GRM7: variants seen among roughly 807,000 people sequenced by gnomAD.
The protein encoded by GRM7 is metabotropic glutamate receptor 7.
GRM7 carries 35 observed loss-of-function variants against 84.5 expected under a neutral mutation model. That is an observed-to-expected ratio of 0.41 (90% CI 0.32 to 0.55). The LOEUF is 0.55. Ranked by LOEUF, GRM7 falls within the 20% of genes least tolerant of loss-of-function variation. The pLI is 0.19. For synonymous variants in GRM7, 487 were observed against 455.1 expected, an observed-to-expected ratio of 1.07 and a Z score of -0.89; for missense variants, 1,003 against 1,194.6, an observed-to-expected ratio of 0.84 and a Z score of 2.36.
chr3:7,545,936 A>G (rs902957283), intron 7 of GRM7, among the ~76,000 whole-genome samples: 2 of 152,198 alleles, frequency 1.3e-5, no homozygotes, highest in African/African-American at 4.8e-5. Flanking sequence ...CTGAGCCTCA[A>G]TTTCTTCCTA....
intron 5 of GRM7, among the ~76,000 whole-genome samples, chr3:7,418,421 G>A (rs189506073): frequency 7.6e-4 from 116 of 152,288 alleles, no homozygotes; most frequent in Admixed American, 1.4e-3. Flanking sequence ...CAGGATTAAT[G>A]CCATTCATGC....
chr3:7,268,150 T>C (rs1698715745), intron 2 of GRM7, among the ~76,000 whole-genome samples: 2 of 152,198 alleles, frequency 1.3e-5, no homozygotes, highest in Non-Finnish European at 2.9e-5. Context: ...CTAAAATGTT[T>C]ATTTAACTAA....
chr3:7,679,964 G>T, intron 8 of GRM7, 85 bp from the exon 9 acceptor site: 2 of 1,276,954 alleles, frequency 1.6e-6, no homozygotes, highest in South Asian at 2.7e-5. Context: ...CCTAGCCATA[G>T]TCGTTCTTGA....
chr3:7,126,912 G>A (rs1693420729), intron 1 of GRM7, among the ~76,000 whole-genome samples: 2 of 152,150 alleles, frequency 1.3e-5, no homozygotes, highest in African/African-American at 4.8e-5. Flanking sequence ...CTATGTCCCT[G>A]AGATATTGAG....
intron 5 of GRM7, among the ~76,000 whole-genome samples, chr3:7,426,493 C>A (rs905016989): frequency 2.7e-5 from 4 of 150,782 alleles, no homozygotes; most frequent in African/African-American, 9.7e-5. Flanking sequence ...TTTTTTTTTT[C>A]CCCCAATACA....
At chr3:7,734,490 T>A (rs1179387843) in intron 9 of GRM7, among the ~76,000 whole-genome samples, 1 of 152,224 alleles carries the variant, frequency 6.6e-6, no homozygotes, top group African/African-American at 2.4e-5. Flanking sequence ...GTGTTTAATA[T>A]GTGTTAAGTA....
chr3:7,712,921 G>A (rs1701632611), intron 9 of GRM7, among the ~76,000 whole-genome samples: 1 of 151,848 alleles, frequency 6.6e-6, no homozygotes, highest in African/African-American at 2.4e-5. Context: ...TCCCATCTCT[G>A]CTTCTGTCTT....
At chr3:7,516,774 T>C (rs1213571456) in intron 7 of GRM7, among the ~76,000 whole-genome samples, 3 of 152,194 alleles carry the variant, frequency 2.0e-5, no homozygotes, top group Admixed American at 6.5e-5. Flanking sequence ...ACCATTTGCC[T>C]CTGCAACCTG....
intron 1 of GRM7, among the ~76,000 whole-genome samples, chr3:6,927,199 A>T (rs1454797564): frequency 6.6e-6 from 1 of 152,118 alleles, no homozygotes; most frequent in East Asian, 1.9e-4. Flanking sequence ...AGGCTGAGGT[A>T]GACGGATCAC....
At chr3:7,107,815 G>C (rs1415874416) in intron 1 of GRM7, among the ~76,000 whole-genome samples, 6 of 152,038 alleles carry the variant, frequency 3.9e-5, no homozygotes, top group Non-Finnish European at 5.9e-5. Context: ...CTAAAGAAAG[G>C]AAAATTAGAT....
intron 5 of GRM7, among the ~76,000 whole-genome samples, chr3:7,422,727 G>A (rs1901046): frequency 0.35 from 53,494 of 152,020 alleles, 10,968 homozygotes; most frequent in Non-Finnish European, 0.48. Context: ...ACAAAGGTCA[G>A]TCCTTTATTT....
chr3:7,693,008 G>A (rs1700867096), intron 9 of GRM7, among the ~76,000 whole-genome samples: 1 of 149,430 alleles, frequency 6.7e-6, no homozygotes. Flanking sequence ...ATATTGCAAA[G>A]ACCACTGGAT....
intron 7 of GRM7, among the ~76,000 whole-genome samples, chr3:7,488,857 T>TCTTATTTATTTA (rs1267779900): frequency 4.3e-4 from 30 of 69,284 alleles, no homozygotes; most frequent in Admixed American, 7.1e-4. Context: ...TCTAGTAAGG[T>TCTTATTTATTTA]CTTATTTATT....
At chr3:7,296,731 T>C (rs1049472968) in intron 2 of GRM7, among the ~76,000 whole-genome samples, 1 of 152,036 alleles carries the variant, frequency 6.6e-6, no homozygotes, top group Non-Finnish European at 1.5e-5. Context: ...CTTTCATTCC[T>C]AAATAGGGTC....
At chr3:7,460,429 C>T (rs927908356) in intron 6 of GRM7, among the ~76,000 whole-genome samples, 4 of 151,880 alleles carry the variant, frequency 2.6e-5, no homozygotes, top group Admixed American at 6.6e-5. Flanking sequence ...CTGGGGCTCA[C>T]ATTGGGAGAG....
At chr3:7,020,268 C>T (rs1695729227) in intron 1 of GRM7, among the ~76,000 whole-genome samples, 1 of 152,184 alleles carries the variant, frequency 6.6e-6, no homozygotes, top group South Asian at 2.1e-4. Context: ...AGCCTGTATA[C>T]TGTATGATTC....
intron 8 of GRM7, among the ~76,000 whole-genome samples, chr3:7,662,454 C>G (rs982011077): frequency 1.3e-5 from 2 of 151,928 alleles, no homozygotes; most frequent in Non-Finnish European, 2.9e-5. Flanking sequence ...TCTGATAAGA[C>G]ATAACCGAAT....
At chr3:7,564,837 A>G (rs1694188651) in intron 7 of GRM7, among the ~76,000 whole-genome samples, 1 of 152,174 alleles carries the variant, frequency 6.6e-6, no homozygotes, top group African/African-American at 2.4e-5. Flanking sequence ...AACCCAGGAC[A>G]GCCTGACTTC....
At chr3:7,710,309 C>T (rs1053710535) in intron 9 of GRM7, among the ~76,000 whole-genome samples, 2 of 151,946 alleles carry the variant, frequency 1.3e-5, no homozygotes, top group Non-Finnish European at 1.5e-5. Context: ...AAAACAAAAC[C>T]CCAAAAACCT....
Sources: allele counts gnomAD v4.1 joint callset (sites outside exome capture counted in the v4.1 genomes callset), GRCh38; gene constraint gnomAD v4.1.1; transcripts MANE v1.5; gene names NCBI Gene and HGNC (gene_info 2026-07-23, HGNC 2026-07-21).